Variants in MYO15A observed in about 807,000 individuals in gnomAD.
MYO15A encodes the protein myosin XVA, also known as unconventional myosin-XV.
Under a neutral mutation model 394.6 loss-of-function variants are expected in MYO15A, and 308 were observed. The observed-to-expected ratio is 0.78, with a 90% CI of 0.71 to 0.86. The LOEUF (loss-of-function observed/expected upper bound fraction) is 0.86, where lower values mean the gene tolerates loss of function less well. Among genes scored for constraint, MYO15A ranks in the 40% least tolerant of loss-of-function variants. The pLI, the probability that MYO15A is intolerant of heterozygous loss-of-function variation, is 0.00. For synonymous variants in MYO15A, 1,957 were observed against 2,003.8 expected (o/e 0.98, Z 0.62); for missense variants, 4,606 against 4,799.1 (o/e 0.96, Z 1.19).
intron 5 of MYO15A, 58 bp from the exon 6 acceptor site, chr17:18,126,733 C>A: frequency 6.3e-7 from 1 of 1,575,350 alleles, no homozygotes; most frequent in Non-Finnish European, 8.7e-7. Flanking sequence ...CCTGCCCAAT[C>A]CCTGGGAGGT....
At position 18,150,482 on chromosome 17, in the gene MYO15A, C is replaced by T. The variant is rs201610682; in HGVS notation, c.7266C>T (p.Pro2422=). ...IAYRMKGGGQ[P]GGGSSSGTED... ...ACCGCATGAAAGGGGGAGGCCAGCC[C>T]GGTGGAGGCAGCAGTAGTGGTACTG... The change falls in exon 36 of 66, where the codon CCC becomes CCT. Residue 2422 remains proline, a synonymous_variant. Transcript: ENST00000647165. This position sits in a 1 kb window ranked among gnomAD's most constrained non-coding sequence, Gnocchi z 4.4. 8.2e-5 allele frequency: 133 copies of T among 1,614,044 alleles called. No homozygotes were observed. The highest frequency in any genetic ancestry group is 3.9e-4 in the African/African-American group (29 of 74,920).
rs538169603 is a variant in MYO15A at position 18,123,917 on chromosome 17, C to T, written c.3610-566C>T. The T allele has an allele frequency of 1.8e-3, 311 of 168,492 alleles. 1 individual carries two copies. The highest frequency in any genetic ancestry group is 3.4e-3 in the Non-Finnish European group (261 of 76,642). 10.4% of individuals were successfully genotyped at this position (168,492 alleles called of 1,614,324 possible). A position where few individuals can be genotyped will look rare whatever the true frequency, so the allele number is the denominator to read the frequency against. On this transcript the variant is annotated intron_variant, in intron 2 of 65. Transcript: ENST00000647165. ...TGCACACCGTGTGCCTCCAGCCGGGCCCCACAGGCCTGCGTATGTGCCCAC... is the reference window on the plus strand; with the variant it reads ...TGCACACCGTGTGCCTCCAGCCGGGTCCCACAGGCCTGCGTATGTGCCCAC...
At position 18,120,425 on chromosome 17, in the gene MYO15A, T is replaced by G. The variant is rs766303371; in HGVS notation, c.1625T>G (p.Leu542Arg). The G allele has an allele frequency of 6.3e-7, 1 of 1,597,260 alleles. No homozygotes were observed. Among genetic ancestry groups the G allele is most frequent in the East Asian group, 2.3e-5 (1 of 44,244 alleles). Residue 542 changes from leucine to arginine, a missense_variant, in exon 2 of 66, where the codon CTC (leucine) becomes CGC (arginine). Leu to Arg is a moderately radical substitution (Grantham distance 102, BLOSUM62 -2). Coordinates refer to ENST00000647165, the MANE Select transcript of MYO15A (RefSeq NM_016239.4). ...TTCCTCACGCCGCGCCAGCGCAACC[T>G]CCAGCGCGCGCTGTCGGCCTTCGGC... The part of the protein sequence containing the change: ...WGFLTPRQRN[L>R]QRALSAFGAH...
chr17:18,177,610 C>T (rs755370920), intron 65 of MYO15A: 5 of 152,244 alleles, frequency 3.3e-5, no homozygotes, highest in African/African-American at 4.8e-5. Context: ...GAGAGCACTT[C>T]AGAGTGTGAT....
In MYO15A at chr17:18,172,276, A is replaced by G. The variant is rs1194706257; in HGVS notation, c.10336A>G (p.Ser3446Gly). Residue 3446 changes from serine to glycine, a missense_variant, in exon 64 of 66, where the codon AGC becomes GGC. Physicochemically the swap from Ser to Gly is moderately conservative, Grantham distance 56. Coordinates refer to ENST00000647165, the MANE Select transcript of MYO15A (RefSeq NM_016239.4). ...CAACCACAATGGCCTCAACTTTCTC[A>G]GCACAGAGACTCATGTGAGTGGCCT... ...AINHNGLNFL[S>G]TETHELMVKF... is the part of the protein sequence containing the mutation. The G allele has an allele frequency of 6.2e-7, 1 of 1,614,164 alleles. No homozygotes were observed. Among genetic ancestry groups the G allele is most frequent in the Non-Finnish European group, 8.5e-7 (1 of 1,180,030 alleles).
At chr17:18,116,051 C>T (rs1348653849) in intron 1 of MYO15A, among the ~76,000 whole-genome samples, 1 of 152,214 alleles carries the variant, frequency 6.6e-6, no homozygotes, top group Admixed American at 6.5e-5. Context: ...AGCACTTAGA[C>T]GGTGCCTAGC....
intron 1 of MYO15A, among the ~76,000 whole-genome samples, chr17:18,112,787 T>C (rs1168584081): frequency 5.3e-5 from 8 of 152,156 alleles, no homozygotes; most frequent in Non-Finnish European, 1.0e-4. Context: ...ATCAAACTAA[T>C]ATAGAAAGAT....
rs770662355 is a variant in MYO15A, at chr17:18,119,378, G to A, written c.578G>A (p.Ser193Asn). 1.9e-6 allele frequency: 3 copies of A among 1,610,406 alleles called. No homozygotes were observed. The highest frequency in any genetic ancestry group is 1.7e-5 in the Admixed American group (1 of 59,998). The change falls in exon 2 of 66, where the codon AGC becomes AAC. Residue 193 changes from serine to asparagine, a missense_variant. By Grantham distance (46) the Ser-to-Asn change is conservative. Around this residue, in one of 2 missense-constraint regions of MYO15A, gnomAD observed 1,830 missense variants for 1,689.7 expected, o/e 1.08. Transcript: ENST00000647165. ...PGGRLRRFPR[S>N]RSIYASGEPL... ...GGCCGGCTCCGGAGGTTCCCCCGCAGCCGCAGCATCTACGCGTCAGGCGAG... is the reference window on the plus strand; with the variant it reads ...GGCCGGCTCCGGAGGTTCCCCCGCAACCGCAGCATCTACGCGTCAGGCGAG...
At chr17:18,158,382 GC>G (rs2046719795) in intron 51 of MYO15A, 140 bp from the exon 52 acceptor site, 1 of 695,952 alleles carries the variant, frequency 1.4e-6, no homozygotes, top group Non-Finnish European at 2.5e-6. Flanking sequence ...ACAACGGGAT[GC>G]GGGTGGGTCC....
rs1198188520 is a variant in MYO15A at position 18,155,318 on chromosome 17, G to A, written c.8345G>A (p.Ser2782Asn). 6.2e-7 allele frequency: 1 copy of A among 1,613,804 alleles called. No individual in the cohort carries two copies. The highest frequency in any genetic ancestry group is 8.5e-7 in the Non-Finnish European group (1 of 1,180,006). Residue 2782 changes from serine (S) to asparagine (N), a missense_variant, in exon 47 of 66, where the codon AGC (serine) becomes AAC (asparagine). Physicochemically the swap from Ser to Asn is conservative, Grantham distance 46 (BLOSUM62 1). Around this residue, in one of 2 missense-constraint regions of MYO15A, gnomAD observed 2,776 missense variants for 3,109.3 expected, o/e 0.89. Coordinates refer to ENST00000647165, the MANE Select transcript of MYO15A (RefSeq NM_016239.4). ...YFSRIFPATG[S>N]VGTGVQLLAV... ...CGCCCTTCATCTCTGCCCCAGGGCA[G>A]CGTGGGCACTGGTGTGCAGCTCCTA... is the stretch of plus-strand genomic sequence containing the variant.
chr17:18,167,283 G>A (rs566867414), intron 61 of MYO15A, among the ~76,000 whole-genome samples: 83 of 152,290 alleles, frequency 5.5e-4, no homozygotes, highest in East Asian at 1.7e-3. Flanking sequence ...ACTCAGTTTT[G>A]AGAAACAGCA....
chr17:18,124,637 C>G, intron 3 of MYO15A, 72 bp downstream of exon 3: 1 of 1,457,640 alleles, frequency 6.9e-7, no homozygotes, highest in Non-Finnish European at 9.5e-7. Flanking sequence ...CAGAGCAGCT[C>G]CTCCTGCAGT....
chr17:18,147,957 C>A lies in MYO15A; in HGVS notation c.6510-72C>A. On this transcript the variant is annotated intron_variant, in intron 30 of 65. Transcript: ENST00000647165. This position sits in a 1 kb window ranked among gnomAD's most constrained non-coding sequence, Gnocchi z 4.4. ...AGACTAGCCTCAGAATTTCCTACCC[C>A]CACCCCGCAGCCCTCAGCCCCAAGC... The A allele has an allele frequency of 6.3e-7, 1 of 1,586,516 alleles. No individual in the cohort carries two copies. Among genetic ancestry groups the A allele is most frequent in the Non-Finnish European group, 8.6e-7 (1 of 1,156,386 alleles).
At chr17:18,146,219 T>TGGC (rs2046478801) in intron 30 of MYO15A, 112 bp downstream of exon 30, 1 of 1,177,660 alleles carries the variant, frequency 8.5e-7, no homozygotes, top group Non-Finnish European at 1.2e-6. Context: ...GCTGGGAAGC[T>TGGC]CAGGCATGGA....
At position 18,158,944 on chromosome 17, in the gene MYO15A, T is replaced by C. The variant is rs2046732039; in HGVS notation, c.9103T>C (p.Ser3035Pro). 6.2e-7 allele frequency: 1 copy of C among 1,614,078 alleles called. No homozygotes were observed. Among genetic ancestry groups the C allele is most frequent in the Admixed American group, 1.7e-5 (1 of 60,026 alleles). Residue 3035 changes from serine (S) to proline (P), a missense_variant, in exon 53 of 66, where the codon TCC becomes CCC. By Grantham distance (74) the Ser-to-Pro change is moderately conservative. Around this residue, in one of 2 missense-constraint regions of MYO15A, gnomAD observed 2,776 missense variants for 3,109.3 expected, o/e 0.89. Coordinates refer to ENST00000647165, the MANE Select transcript of MYO15A (RefSeq NM_016239.4). ...RRPQDGLRLK[S>P]KEPRESRTLE... ...CTGCAGGGATGGCCTCAGGCTGAAA[T>C]CCAAGGAGCCTCGGGAGTCCAGAAC...
Position 18,173,851 on chromosome 17 carries a change from G to C in MYO15A, c.10421G>C (p.Ser3474Thr). Residue 3474 changes from serine (S) to threonine (T), a missense_variant, in exon 65 of 66, where the codon AGC becomes ACC. Coordinates refer to ENST00000647165, the MANE Select transcript of MYO15A (RefSeq NM_016239.4). ...ACCCAGCGGCCCACGGCCAACTCCA[G>C]CTACCCCTATGTGGAGATTGCGCTG... The part of the protein sequence containing the change: ...TRTQRPTANS[S>T]YPYVEIALGD... 6.2e-7 allele frequency: 1 copy of C among 1,613,330 alleles called. No homozygotes were observed.
Position 18,121,105 on chromosome 17 carries a change from G to C in MYO15A, c.2305G>C (p.Ala769Pro). Residue 769 changes from alanine (A) to proline (P), a missense_variant, in exon 2 of 66, where the codon GCT becomes CCT. Physicochemically the swap from Ala to Pro is conservative, Grantham distance 27. Around this residue, in one of 2 missense-constraint regions of MYO15A, gnomAD observed 1,830 missense variants for 1,689.7 expected, o/e 1.08. Transcript: ENST00000647165. The surrounding 1 kb of genome is among the most constrained non-coding windows in gnomAD (Gnocchi z 5.3). Reference sequence around the variant, plus strand: ...CTCTCCACGGGCGTCGCGGAGGCGAGCTTGGTCACCGCTGGCCTCGCCCCA... The same window carrying C: ...CTCTCCACGGGCGTCGCGGAGGCGACCTTGGTCACCGCTGGCCTCGCCCCA... ...GASPRASRRR[A>P]WSPLASPQPS... 6.7e-7 allele frequency: 1 copy of C among 1,503,278 alleles called. No individual in the cohort carries two copies. 93.1% of individuals were successfully genotyped at this position (1,503,278 alleles called of 1,614,324 possible). A position where few individuals can be genotyped will look rare whatever the true frequency, so the allele number is the denominator to read the frequency against.
At position 18,178,852 on chromosome 17, in the gene MYO15A, C is replaced by T. The variant is rs201070092; in HGVS notation, c.10575C>T (p.Ser3525=). The T allele has an allele frequency of 4.8e-5, 78 of 1,613,306 alleles. No individual in the cohort carries two copies. The highest frequency in any genetic ancestry group is 1.1e-4 in the African/African-American group (8 of 75,032). Residue 3525 remains serine, a synonymous_variant, in exon 66 of 66, where the codon AGC becomes AGT. Transcript: ENST00000647165. ...AHEKRLTLPP[S]EITLL is the part of the protein sequence containing the mutation. ...AGAAGCGGCTCACATTGCCCCCCAGCGAGATCACCCTGCTCTGACCCAGCC... is the reference window on the plus strand; with the variant it reads ...AGAAGCGGCTCACATTGCCCCCCAGTGAGATCACCCTGCTCTGACCCAGCC...
At chr17:18,130,928 A>C in intron 8 of MYO15A, 118 bp downstream of exon 8, 1 of 1,151,334 alleles carries the variant, frequency 8.7e-7, no homozygotes, top group Non-Finnish European at 1.3e-6. Context: ...AGGGACAGGC[A>C]GGAAAGGACA....
Sources: allele counts gnomAD v4.1 joint callset (sites outside exome capture counted in the v4.1 genomes callset), GRCh38; gene constraint gnomAD v4.1.1; regional missense constraint gnomAD v4.1.1; non-coding constraint Gnocchi (gnomAD v3.1); transcripts MANE v1.5; gene names NCBI Gene and HGNC (gene_info 2026-07-23, HGNC 2026-07-21).